SNX29: variants seen among roughly 807,000 people sequenced by gnomAD.
SNX29 encodes sorting nexin 29, also known as sorting nexin-29.
A neutral mutation model predicts 102.1 loss-of-function variants in SNX29; 78 were observed. The observed-to-expected ratio is 0.76, with a 90% CI of 0.64 to 0.92. SNX29 has a LOEUF of 0.92. SNX29 is among the 40% of genes least tolerant of loss of function. The pLI, the probability that SNX29 is intolerant of heterozygous loss-of-function variation, is 0.00. For missense variants in SNX29, 1,280 were observed against 1,061.7 expected, an observed-to-expected ratio of 1.21 and a Z score of -2.86; for synonymous variants, 580 against 414.5, an observed-to-expected ratio of 1.40 and a Z score of -4.85.
chr16:12,469,519 G>A (rs1019616090), intron 18 of SNX29, among the ~76,000 whole-genome samples: 1 of 152,166 alleles, frequency 6.6e-6, no homozygotes, highest in Non-Finnish European at 1.5e-5. Flanking sequence ...GATTCTCTCT[G>A]CATTCAACAG....
At chr16:12,405,492 C>T (rs938332628) in intron 18 of SNX29, among the ~76,000 whole-genome samples, 3 of 152,196 alleles carry the variant, frequency 2.0e-5, no homozygotes, top group Non-Finnish European at 4.4e-5. Flanking sequence ...CTTCACTCCA[C>T]GCCTTTGGCC....
At chr16:12,317,589 T>C (rs1047406649) in intron 15 of SNX29, among the ~76,000 whole-genome samples, 10 of 152,222 alleles carry the variant, frequency 6.6e-5, no homozygotes, top group African/African-American at 2.4e-4. Flanking sequence ...TTCTGTGTGC[T>C]GCCACCTAAC....
chr16:12,392,175 C>T (rs967629425), intron 16 of SNX29, among the ~76,000 whole-genome samples: 3 of 152,202 alleles, frequency 2.0e-5, no homozygotes, highest in East Asian at 1.9e-4. Flanking sequence ...TTAGAGATCT[C>T]CTCCTCTTTA....
chr16:12,317,659 G>C (rs184735634), intron 15 of SNX29, among the ~76,000 whole-genome samples: 1 of 152,326 alleles, frequency 6.6e-6, no homozygotes, highest in East Asian at 1.9e-4. Flanking sequence ...CCTGACATCA[G>C]CTTCACAGGG....
At chr16:12,552,390 T>C (rs1230168330) in intron 20 of SNX29, among the ~76,000 whole-genome samples, 1 of 152,218 alleles carries the variant, frequency 6.6e-6, no homozygotes, top group Non-Finnish European at 1.5e-5. Flanking sequence ...GCATGGTACC[T>C]GGCGCAGAGC....
chr16:11,978,521 T>G (rs1477542001), intron 1 of SNX29, among the ~76,000 whole-genome samples: 2 of 152,294 alleles, frequency 1.3e-5, no homozygotes, highest in East Asian at 3.9e-4. Context: ...CGAGGTGCAT[T>G]GTCAGAATCT....
At chr16:12,536,080 C>G (rs775635587) in intron 20 of SNX29, among the ~76,000 whole-genome samples, 3 of 152,278 alleles carry the variant, frequency 2.0e-5, no homozygotes, top group Non-Finnish European at 4.4e-5. Context: ...CTAACACACC[C>G]AGGATGTTTT....
intron 19 of SNX29, among the ~76,000 whole-genome samples, chr16:12,513,430 C>G (rs2089724054): frequency 1.3e-5 from 2 of 152,008 alleles, no homozygotes; most frequent in Admixed American, 6.6e-5. Context: ...CTCCTACCCT[C>G]TCCTCTTCCC....
chr16:12,228,940 T>G (rs1567335098), intron 14 of SNX29, among the ~76,000 whole-genome samples: 1 of 152,218 alleles, frequency 6.6e-6, no homozygotes, highest in Non-Finnish European at 1.5e-5. Context: ...CACCGAGTCT[T>G]CTGACTCCTG....
At position 12,489,486 on chromosome 16, in the gene SNX29, C is replaced by T. The variant is rs1355952920; in HGVS notation, c.2178+11627C>T. Among the ~76,000 whole-genome samples the T allele has an allele frequency of 5.3e-5, 8 of 152,322 alleles. No homozygotes were observed. In the South Asian group the frequency reaches 1.7e-3, roughly 32 times the overall value. On this transcript the variant is annotated intron_variant, in intron 19 of 20. Coordinates refer to ENST00000566228, the MANE Select transcript of SNX29 (RefSeq NM_032167.5). Reference sequence around the variant, plus strand: ...GGGCTGTGGATTCAGATCCTGCCCCCTCCCACACTGGCTGTGTGACCCTGG... The same window carrying T: ...GGGCTGTGGATTCAGATCCTGCCCCTTCCCACACTGGCTGTGTGACCCTGG...
intron 3 of SNX29, among the ~76,000 whole-genome samples, chr16:12,023,591 AAAAG>A (rs1331429541): frequency 1.3e-4 from 18 of 143,740 alleles, no homozygotes; most frequent in Middle Eastern, 3.6e-3. Flanking sequence ...AAAAAAAAAG[AAAAG>A]AAAAGAAAAG....
intron 13 of SNX29, among the ~76,000 whole-genome samples, chr16:12,154,024 G>A (rs182798065): frequency 1.3e-5 from 2 of 152,274 alleles, no homozygotes; most frequent in Non-Finnish European, 2.9e-5. Context: ...TTCTATTAAA[G>A]CATTAAGAAC....
chr16:12,310,074 A>G (rs1307113700), intron 15 of SNX29, among the ~76,000 whole-genome samples: 3 of 151,552 alleles, frequency 2.0e-5, no homozygotes, highest in African/African-American at 7.3e-5. Context: ...ACGCACATAC[A>G]TACACATGTG....
At position 12,524,636 on chromosome 16, in the gene SNX29, CT is replaced by C. The variant is rs1397369267; in HGVS notation, c.2179-65del. On this transcript the variant is annotated intron_variant, in intron 19 of 20. Transcript: ENST00000566228. ...TGGCGCTGATGGGTGATCGCCTGTT[CT>C]ATAGGGTCATTTCTGACCAGGTGAG... 2.2e-5 allele frequency: 34 copies of C among 1,562,000 alleles called. No individual in the cohort carries two copies. In the East Asian group the frequency reaches 7.4e-4, roughly 34 times the overall value.
At chr16:12,225,563 A>G (rs911617810) in intron 14 of SNX29, among the ~76,000 whole-genome samples, 13 of 152,204 alleles carry the variant, frequency 8.5e-5, no homozygotes, top group African/African-American at 3.1e-4. Flanking sequence ...GCCATGTGGA[A>G]CTATAAGTCC....
chr16:12,010,906 A>G (rs558583652), intron 3 of SNX29, among the ~76,000 whole-genome samples: 1 of 152,290 alleles, frequency 6.6e-6, no homozygotes, highest in East Asian at 1.9e-4. Flanking sequence ...ACGAAACGGA[A>G]TGGCTTTTTC....
At chr16:12,060,959 G>C in intron 8 of SNX29, 1 of 433,892 alleles carries the variant, frequency 2.3e-6, no homozygotes, top group Admixed American at 2.5e-5. Context: ...GAGGGGCTCA[G>C]ATGCAGCGAG....
chr16:12,553,334 G>C (rs1328281787), intron 20 of SNX29, among the ~76,000 whole-genome samples: 2 of 152,180 alleles, frequency 1.3e-5, no homozygotes, highest in East Asian at 3.8e-4. Flanking sequence ...AACAAGGCAG[G>C]CAGAGAAACC....
At position 12,302,299 on chromosome 16, in the gene SNX29, C is replaced by T. The variant is rs978354224; in HGVS notation, c.1782+24263C>T. ...TCCAAAAAGTAAAAGTCAGTTTCTA[C>T]AGTTACAGCAGGCACACTTCTATGT... is the stretch of plus-strand genomic sequence containing the variant. On this transcript the variant is annotated intron_variant, in intron 15 of 20. Transcript: ENST00000566228. Among the ~76,000 whole-genome samples the T allele has an allele frequency of 9.2e-5, 14 of 152,354 alleles. No individual in the cohort carries two copies. In the South Asian group the frequency reaches 1.4e-3, roughly 16 times the overall value.
Sources: gnomAD v4.1 joint callset for allele counts (sites outside exome capture counted in the v4.1 genomes callset) on GRCh38, gnomAD v4.1.1 for gene constraint, MANE v1.5 for transcripts, NCBI Gene and HGNC (gene_info 2026-07-23, HGNC 2026-07-21) for gene names.